The following SLC4A10 variants were observed in gnomAD, a reference collection of about 807,000 sequenced individuals.
SLC4A10 encodes sodium-driven chloride bicarbonate exchanger.
In SLC4A10, 42 loss-of-function variants were observed where a neutral mutation model predicts 137.7. That is an observed-to-expected ratio of 0.30 (90% CI 0.24 to 0.39). The LOEUF (loss-of-function observed/expected upper bound fraction) is 0.39, where lower values mean the gene tolerates loss of function less well. Among genes scored for constraint, SLC4A10 ranks in the 10% least tolerant of loss-of-function variants. The pLI, the probability that SLC4A10 is intolerant of heterozygous loss-of-function variation, is 1.00. For missense variants in SLC4A10, 925 were observed against 1,355.0 expected, an observed-to-expected ratio of 0.68 and a Z score of 4.98; for synonymous variants, 474 against 464.1, an observed-to-expected ratio of 1.02 and a Z score of -0.27.
At chr2:161,852,424 G>A (rs1364489772) in intron 4 of SLC4A10, among the ~76,000 whole-genome samples, 1 of 152,150 alleles carries the variant, frequency 6.6e-6, no homozygotes, top group Admixed American at 6.5e-5. Flanking sequence ...AATAAAAGTT[G>A]TATCCACTCC....
chr2:161,933,721 C>T (rs1008632872), intron 15 of SLC4A10, among the ~76,000 whole-genome samples: 3 of 152,168 alleles, frequency 2.0e-5, no homozygotes, highest in South Asian at 4.1e-4. Context: ...CTTATCCTTT[C>T]GTCCATTGAT....
chr2:161,974,425 TAA>T, intron 24 of SLC4A10, 109 bp downstream of exon 24: 3 of 858,752 alleles, frequency 3.5e-6, no homozygotes, highest in Non-Finnish European at 4.9e-6. Flanking sequence ...TGAAATTGTA[TAA>T]GAGTAGAAAG....
chr2:161,624,668 G>A (rs1460334807), intron 1 of SLC4A10, 102 bp downstream of exon 1: 1 of 1,485,746 alleles, frequency 6.7e-7, no homozygotes, highest in Non-Finnish European at 9.2e-7. Flanking sequence ...TTTTGGGGTG[G>A]TGGATAGCTC....
intron 19 of SLC4A10, among the ~76,000 whole-genome samples, chr2:161,955,418 G>A (rs1018090767): frequency 3.3e-5 from 5 of 152,128 alleles, no homozygotes; most frequent in African/African-American, 1.2e-4. Flanking sequence ...TGAGTTACTT[G>A]CAAAGAAAAG....
At chr2:161,685,291 G>A (rs1293649907) in intron 1 of SLC4A10, among the ~76,000 whole-genome samples, 1 of 152,080 alleles carries the variant, frequency 6.6e-6, no homozygotes, top group African/African-American at 2.4e-5. Flanking sequence ...CATTCTGTGA[G>A]GTATGTTGCC....
intron 1 of SLC4A10, among the ~76,000 whole-genome samples, chr2:161,695,930 T>C (rs2042441811): frequency 6.6e-6 from 1 of 152,216 alleles, no homozygotes; most frequent in South Asian, 2.1e-4. Context: ...TTTTTTATTA[T>C]ACTTTAAGTT....
chr2:161,755,973 G>A (rs2049590814), intron 1 of SLC4A10, among the ~76,000 whole-genome samples: 1 of 152,016 alleles, frequency 6.6e-6, no homozygotes, highest in African/African-American at 2.4e-5. Context: ...GTTTCTCCAT[G>A]TTGGCCAGGG....
At chr2:161,785,400 C>CCAGA (rs35829819) in intron 2 of SLC4A10, among the ~76,000 whole-genome samples, 39,271 of 151,234 alleles carry the variant, frequency 0.26, 7,467 homozygotes, top group African/African-American at 0.55. Flanking sequence ...GATACCAAAG[C>CCAGA]CAAAGACACT....
At chr2:161,795,951 T>C (rs770045307) in intron 2 of SLC4A10, among the ~76,000 whole-genome samples, 16 of 152,110 alleles carry the variant, frequency 1.1e-4, no homozygotes, top group Non-Finnish European at 1.8e-4. Flanking sequence ...CCTCAGCTTG[T>C]ACCTTTATGC....
chr2:161,776,217 C>A (rs559981853), intron 2 of SLC4A10, among the ~76,000 whole-genome samples: 1 of 151,850 alleles, frequency 6.6e-6, no homozygotes, highest in African/African-American at 2.4e-5. Context: ...CTCTGCCATT[C>A]CCCCTCAGAG....
rs545573563 is a variant in SLC4A10, at chr2:161,900,948, C to G, written c.1379C>G (p.Ala460Gly). ...RKIPAVPNGT[A>G]AHGEAEPHGG... ...ATTCCTGCTGTACCAAATGGAACAG[C>G]AGCTCATGGGGAAGCAGAGCCCCAC... is the stretch of plus-strand genomic sequence containing the variant. The change falls in exon 12 of 27, where the codon GCA becomes GGA. Residue 460 changes from alanine to glycine, a missense_variant. Transcript: ENST00000446997. 1 of 1,566,408 alleles carries G rather than the reference C, an allele frequency of 6.4e-7. No individual in the cohort carries two copies. Among genetic ancestry groups the G allele is most frequent in the African/African-American group, 1.4e-5 (1 of 73,676 alleles).
At chr2:161,685,382 G>T (rs184734742) in intron 1 of SLC4A10, among the ~76,000 whole-genome samples, 77 of 152,140 alleles carry the variant, frequency 5.1e-4, no homozygotes, top group African/African-American at 1.8e-3. Flanking sequence ...GAGGTGGGTG[G>T]ATTATTAGAG....
At chr2:161,730,948 A>G (rs1299666483) in intron 1 of SLC4A10, among the ~76,000 whole-genome samples, 1 of 152,208 alleles carries the variant, frequency 6.6e-6, no homozygotes, top group Admixed American at 6.5e-5. Context: ...ACAGTTAGAT[A>G]ACAACAATGA....
intron 1 of SLC4A10, among the ~76,000 whole-genome samples, chr2:161,770,196 A>C (rs1447609004): frequency 1.3e-5 from 2 of 151,984 alleles, no homozygotes; most frequent in East Asian, 3.9e-4. Context: ...TTGGAAATAT[A>C]ATAGTTTACA....
chr2:161,828,623 T>C (rs2058187628), intron 3 of SLC4A10, among the ~76,000 whole-genome samples: 1 of 147,118 alleles, frequency 6.8e-6, no homozygotes, highest in African/African-American at 2.5e-5. Flanking sequence ...TTCCCTAGTA[T>C]TGGAATTTTT....
At chr2:161,794,883 G>T (rs1371444480) in intron 2 of SLC4A10, among the ~76,000 whole-genome samples, 2 of 151,986 alleles carry the variant, frequency 1.3e-5, no homozygotes, top group African/African-American at 4.8e-5. Context: ...GTGAGCTGGG[G>T]TAAGCCAGCT....
intron 1 of SLC4A10, among the ~76,000 whole-genome samples, chr2:161,624,769 T>C (rs935374894): frequency 6.6e-6 from 1 of 151,110 alleles, no homozygotes; most frequent in African/African-American, 2.4e-5. Flanking sequence ...CCCTTCTCAA[T>C]ATGGATGCAC....
At chr2:161,903,553 T>G (rs935239803) in intron 12 of SLC4A10, among the ~76,000 whole-genome samples, 2 of 152,146 alleles carry the variant, frequency 1.3e-5, no homozygotes, top group African/African-American at 4.8e-5. Context: ...AGGGTGATGC[T>G]CACTACTGGA....
intron 7 of SLC4A10, chr2:161,873,686 A>T: frequency 2.4e-6 from 1 of 414,198 alleles, no homozygotes; most frequent in Non-Finnish European, 4.4e-6. Context: ...CACTGGCAAT[A>T]ATTATAGTAG....
Sources: gnomAD v4.1 joint callset for allele counts (sites outside exome capture counted in the v4.1 genomes callset) on GRCh38, gnomAD v4.1.1 for gene constraint, MANE v1.5 for transcripts, NCBI Gene and HGNC (gene_info 2026-07-23, HGNC 2026-07-21) for gene names.